NR3C1: variants seen among roughly 807,000 people sequenced by gnomAD.
The protein encoded by NR3C1 is nuclear receptor subfamily 3 group C member 1, also known as glucocorticoid receptor.
A neutral mutation model predicts 74.0 loss-of-function variants in NR3C1; 14 were observed. The ratio of observed to expected loss-of-function variants is 0.19; its 90% CI spans 0.12 to 0.30. NR3C1 has a LOEUF of 0.30. Among genes scored for constraint, NR3C1 ranks in the 10% least tolerant of loss-of-function variants. The pLI is 1.00. For synonymous variants in NR3C1, 308 were observed against 332.5 expected (o/e 0.93, Z 0.80); for missense variants, 695 against 909.8 (o/e 0.76, Z 3.04).
chr5:143,425,404 A>G (rs1306823185), intron 1 of NR3C1, among the ~76,000 whole-genome samples: 1 of 152,234 alleles, frequency 6.6e-6, no homozygotes, highest in Non-Finnish European at 1.5e-5. Flanking sequence ...CGTTGTGAAG[A>G]AAATAAAAAG....
upstream of NR3C1, chr5:143,405,329 C>T: frequency 2.0e-6 from 2 of 985,630 alleles, no homozygotes; most frequent in Non-Finnish European, 2.4e-6. Flanking sequence ...CAGCCACTCT[C>T]TCACCTCCCG....
intron 2 of NR3C1, among the ~76,000 whole-genome samples, chr5:143,378,172 G>C (rs1389852101): frequency 6.6e-6 from 1 of 152,038 alleles, no homozygotes; most frequent in East Asian, 1.9e-4. Context: ...GATTGCTTGA[G>C]CCCAGGAGTT....
Position 143,305,117 on chromosome 5 carries a change from A to G in NR3C1, c.1469-4354T>C, listed in dbSNP as rs546528847. 1.3e-4 allele frequency among the ~76,000 whole-genome samples: 20 copies of G among 152,352 alleles called. No individual in the cohort carries two copies. In the East Asian group the frequency reaches 2.9e-3, roughly 22 times the overall value. ...CTACAGAATGGGAGAAAATATTTGCAAACTATGCATCTGACAAAGCCCTAA... is the reference window on the plus strand; with the variant it reads ...CTACAGAATGGGAGAAAATATTTGCGAACTATGCATCTGACAAAGCCCTAA... On this transcript the variant is annotated intron_variant, in intron 4 of 8. Coordinates refer to ENST00000394464, the MANE Select transcript of NR3C1 (RefSeq NM_000176.3).
Position 143,400,453 on chromosome 5 carries a change from G to C in NR3C1, c.387C>G (p.Leu129=). ...LKLLEESIAN[L]NRSTSVPENP... ...TCTCTGGAACACTGGTCGACCTATT[G>C]AGGTTTGCAATGCTTTCTTCCAAAA... The change falls in exon 2 of 9, where the codon CTC becomes CTG. Residue 129 remains leucine, a synonymous_variant. Coordinates refer to ENST00000394464, the MANE Select transcript of NR3C1 (RefSeq NM_000176.3). 6.2e-7 allele frequency: 1 copy of C among 1,614,216 alleles called. No homozygotes were observed. The highest frequency in any genetic ancestry group is 1.7e-5 in the Admixed American group (1 of 60,034).
At chr5:143,431,477 C>G (rs1047732828) in intron 1 of NR3C1, among the ~76,000 whole-genome samples, 1 of 151,454 alleles carries the variant, frequency 6.6e-6, no homozygotes, top group Non-Finnish European at 1.5e-5. Context: ...AGGGGAACAT[C>G]ACATACCCGG....
chr5:143,396,385 T>C (rs1158912581), intron 2 of NR3C1, among the ~76,000 whole-genome samples: 1 of 151,582 alleles, frequency 6.6e-6, no homozygotes, highest in Non-Finnish European at 1.5e-5. Context: ...ATATTAAGCT[T>C]AAAAAACACT....
intron 2 of NR3C1, among the ~76,000 whole-genome samples, chr5:143,378,132 T>C (rs1174402136): frequency 6.6e-6 from 1 of 152,026 alleles, no homozygotes; most frequent in Admixed American, 6.6e-5. Context: ...ACACCTATAG[T>C]CCAAGCTACT....
chr5:143,369,885 A>G (rs1833950314), intron 2 of NR3C1, among the ~76,000 whole-genome samples: 1 of 152,222 alleles, frequency 6.6e-6, no homozygotes, highest in Non-Finnish European at 1.5e-5. Flanking sequence ...GTCCTCATTC[A>G]TTTTGACAAT....
At chr5:143,372,447 G>A (rs1449998935) in intron 2 of NR3C1, among the ~76,000 whole-genome samples, 2 of 152,170 alleles carry the variant, frequency 1.3e-5, no homozygotes, top group African/African-American at 2.4e-5. Flanking sequence ...ACAAAGGAAT[G>A]ATTCACATCC....
At chr5:143,381,599 C>G (rs960537909) in intron 2 of NR3C1, among the ~76,000 whole-genome samples, 1 of 151,908 alleles carries the variant, frequency 6.6e-6, no homozygotes, top group African/African-American at 2.4e-5. Context: ...AACAGATACA[C>G]AGACCTAGAG....
At chr5:143,282,776 T>TA in intron 7 of NR3C1, 51 bp from the exon 8 acceptor site, 4 of 1,540,610 alleles carry the variant, frequency 2.6e-6, no homozygotes, top group Non-Finnish European at 3.5e-6. Context: ...TCTTTTCTTT[T>TA]CTTTTTTTTT....
intron 2 of NR3C1, among the ~76,000 whole-genome samples, chr5:143,398,292 A>T (rs571996828): frequency 6.6e-6 from 1 of 151,706 alleles, no homozygotes; most frequent in Non-Finnish European, 1.5e-5. Context: ...AATAAAGGAT[A>T]ATTATTTAAA....
chr5:143,401,139 C>T (rs1248943432), intron 1 of NR3C1: 4 of 423,716 alleles, frequency 9.4e-6, no homozygotes, highest in African/African-American at 4.0e-5. Flanking sequence ...GCTCACTGAA[C>T]GTGTAGCTTT....
At chr5:143,301,104 A>G (rs1177830321) in intron 4 of NR3C1, among the ~76,000 whole-genome samples, 1 of 152,008 alleles carries the variant, frequency 6.6e-6, no homozygotes, top group Non-Finnish European at 1.5e-5. Context: ...TCTCACTTTC[A>G]CTCTAAATGC....
intron 2 of NR3C1, among the ~76,000 whole-genome samples, chr5:143,395,972 T>C (rs61751175): frequency 7.9e-5 from 12 of 151,914 alleles, no homozygotes; most frequent in Non-Finnish European, 4.4e-5. Flanking sequence ...GCAAGGTATA[T>C]TTCAGAATAA....
At chr5:143,396,658 A>C (rs969858710) in intron 2 of NR3C1, among the ~76,000 whole-genome samples, 76 of 151,798 alleles carry the variant, frequency 5.0e-4, no homozygotes, top group African/African-American at 1.7e-3. Flanking sequence ...AATCTACATA[A>C]ATTTTAGTAG....
chr5:143,364,936 G>A (rs1302993606), intron 2 of NR3C1, among the ~76,000 whole-genome samples: 7 of 151,956 alleles, frequency 4.6e-5, no homozygotes, highest in Admixed American at 4.6e-4. Context: ...TGAACTCCTG[G>A]ACTCAAGCTA....
chr5:143,309,488 GA>G (rs1337157304), intron 4 of NR3C1, among the ~76,000 whole-genome samples: 1 of 152,190 alleles, frequency 6.6e-6, no homozygotes, highest in Non-Finnish European at 1.5e-5. Context: ...GCCTACGGTG[GA>G]AAAGGTAATA....
Position 143,335,332 on chromosome 5 carries a change from C to T in NR3C1, c.1185-21164G>A, listed in dbSNP as rs569212178. Among the ~76,000 whole-genome samples, 5 of 152,296 alleles carry T rather than the reference C, an allele frequency of 3.3e-5. No individual in the cohort carries two copies. In the East Asian group the frequency reaches 5.8e-4, roughly 18 times the overall value. On this transcript the variant is annotated intron_variant, in intron 2 of 8. Transcript: ENST00000394464. Reference sequence around the variant, plus strand: ...CCAACTCATGTTTTTACATCTAATCCGTAGTCTACTCTAAGATTATTGTTG... The same window carrying T: ...CCAACTCATGTTTTTACATCTAATCTGTAGTCTACTCTAAGATTATTGTTG...
Sources: allele counts gnomAD v4.1 joint callset (sites outside exome capture counted in the v4.1 genomes callset), GRCh38; gene constraint gnomAD v4.1.1; transcripts MANE v1.5; gene names NCBI Gene and HGNC (gene_info 2026-07-23, HGNC 2026-07-21).